The following PPP1R7 variants were observed in gnomAD, a reference collection of about 807,000 sequenced individuals.
PPP1R7 encodes the protein protein phosphatase 1 regulatory subunit 22.
Under a neutral mutation model 45.2 loss-of-function variants are expected in PPP1R7, and 18 were observed. That is an observed-to-expected ratio of 0.40 (90% CI 0.28 to 0.59). The LOEUF is 0.59. Among genes scored for constraint, PPP1R7 ranks in the 20% least tolerant of loss-of-function variants. The pLI, the probability that PPP1R7 is intolerant of heterozygous loss-of-function variation, is 0.46. For synonymous variants in PPP1R7, 181 were observed against 183.4 expected (o/e 0.99, Z 0.11); for missense variants, 314 against 455.8 (o/e 0.69, Z 2.83).
At chr2:241,153,415 T>C in intron 1 of PPP1R7, 61 bp from the exon 2 acceptor site, 1 of 1,601,124 alleles carries the variant, frequency 6.2e-7, no homozygotes, top group South Asian at 1.1e-5. Flanking sequence ...GGGTGTTTAT[T>C]ATATGTTCCT....
intron 9 of PPP1R7, among the ~76,000 whole-genome samples, chr2:241,174,381 A>G (rs1358057248): frequency 2.6e-5 from 4 of 152,158 alleles, no homozygotes. Flanking sequence ...CTTCATCTTC[A>G]GTCCAGGATT....
chr2:241,153,465 T>C lies in PPP1R7; in HGVS notation c.53-11T>C, dbSNP rs2067368819. Reference sequence around the variant, plus strand: ...GTGGATGTGAATTCTCATTGACATGTGTGGGTTCAGTTGACAGGCGGGTCG... The same window carrying C: ...GTGGATGTGAATTCTCATTGACATGCGTGGGTTCAGTTGACAGGCGGGTCG... On this transcript the variant is annotated splice_polypyrimidine_tract_variant and intron_variant, in intron 1 of 9. Coordinates refer to ENST00000234038, the MANE Select transcript of PPP1R7 (RefSeq NM_002712.3). 6.2e-7 allele frequency: 1 copy of C among 1,613,990 alleles called. No homozygotes were observed. The highest frequency in any genetic ancestry group is 1.3e-5 in the African/African-American group (1 of 74,924).
intron 8 of PPP1R7, among the ~76,000 whole-genome samples, chr2:241,169,343 A>G (rs1165906373): frequency 2.0e-5 from 3 of 152,212 alleles, no homozygotes; most frequent in Non-Finnish European, 4.4e-5. Flanking sequence ...AAATGAAGAG[A>G]GGAACTTTGT....
chr2:241,179,720 G>GTAAC (rs1442685990), intron 9 of PPP1R7, among the ~76,000 whole-genome samples: 1 of 152,206 alleles, frequency 6.6e-6, no homozygotes, highest in Admixed American at 6.5e-5. Flanking sequence ...CATGATGAGT[G>GTAAC]TAACATCTTT....
chr2:241,160,702 C>A (rs1452078687), intron 6 of PPP1R7, among the ~76,000 whole-genome samples: 2 of 152,240 alleles, frequency 1.3e-5, no homozygotes, highest in African/African-American at 4.8e-5. Context: ...TCTAGCCTTT[C>A]TTCCGCACGT....
Position 241,166,992 on chromosome 2 carries a change from C to G in PPP1R7, c.819+551C>G. ...CATTCCTCCCTGCCTGCTTTCCACA[C>G]CTGTCCTCACCTGTTCATGCTCCTC... On this transcript the variant is annotated intron_variant, in intron 8 of 9. Transcript: ENST00000234038. The G allele has an allele frequency of 3.2e-6, 5 of 1,538,530 alleles. No homozygotes were observed. In the South Asian group the frequency reaches 4.5e-5, roughly 14 times the overall value.
chr2:241,155,188 G>A (rs1199517312), intron 2 of PPP1R7: 1 of 152,246 alleles, frequency 6.6e-6, no homozygotes, highest in Non-Finnish European at 1.5e-5. Context: ...GAGGACTTGA[G>A]AGTTGGCAGA....
At position 241,159,203 on chromosome 2, in the gene PPP1R7, C is replaced by T; in HGVS notation, c.304-10C>T. The T allele has an allele frequency of 6.2e-7, 1 of 1,612,564 alleles. No individual in the cohort carries two copies. Among genetic ancestry groups the T allele is most frequent in the Non-Finnish European group, 8.5e-7 (1 of 1,179,032 alleles). On this transcript the variant is annotated splice_polypyrimidine_tract_variant and intron_variant, in intron 4 of 9. Coordinates refer to ENST00000234038, the MANE Select transcript of PPP1R7 (RefSeq NM_002712.3). ...TGCCTGTGTCAATTGTCCCTTTTCC[C>T]ATCCCCCAGACTCTCTGCCTCCGCC... is the stretch of plus-strand genomic sequence containing the variant.
At chr2:241,151,400 G>T in intron 1 of PPP1R7, 2 of 468,506 alleles carry the variant, frequency 4.3e-6, no homozygotes, top group South Asian at 3.1e-5. Context: ...GGTGCAGCAG[G>T]AAGGCCTGAC....
At chr2:241,150,454 G>C (rs1228180358), upstream of PPP1R7, 4 of 1,554,058 alleles carry the variant, frequency 2.6e-6, no homozygotes, top group Admixed American at 1.9e-5. Context: ...TTGGCTGAGG[G>C]GTCTGAGGCG....
chr2:241,150,669 CT>C (rs2067249130), intron 1 of PPP1R7, 122 bp downstream of exon 1: 2 of 1,292,134 alleles, frequency 1.5e-6, no homozygotes, highest in Non-Finnish European at 2.0e-6. Context: ...GCGCGGCCCC[CT>C]GACAGCTGAC....
rs564365612 is a variant in PPP1R7, at chr2:241,164,751, A to T, written c.714+1350A>T. 2.6e-5 allele frequency among the ~76,000 whole-genome samples: 4 copies of T among 152,060 alleles called. No homozygotes were observed. In the South Asian group the frequency reaches 6.2e-4, roughly 24 times the overall value. On this transcript the variant is annotated intron_variant, in intron 7 of 9. Coordinates refer to ENST00000234038, the MANE Select transcript of PPP1R7 (RefSeq NM_002712.3). ...CCATCTCTAAAAAAATTAAAAATAT[A>T]AAAAAAAGCTCTTAGGCCAGGCGTG...
upstream of PPP1R7, chr2:241,150,016 T>C (rs942526561): frequency 3.0e-5 from 42 of 1,394,608 alleles, no homozygotes; most frequent in Non-Finnish European, 3.7e-5. Context: ...GTTCGGCCCA[T>C]TGTACAGACG....
At chr2:241,162,193 A>G (rs529739619) in intron 6 of PPP1R7, among the ~76,000 whole-genome samples, 1 of 152,202 alleles carries the variant, frequency 6.6e-6, no homozygotes, top group African/African-American at 2.4e-5. Context: ...ACAGTGGCTC[A>G]TCACAAATTA....
At chr2:241,150,204 C>A, upstream of PPP1R7, 1 of 1,273,748 alleles carries the variant, frequency 7.9e-7, no homozygotes, top group Non-Finnish European at 9.9e-7. Context: ...ACTCCGTCTG[C>A]CTGCAGCTAC....
intron 1 of PPP1R7, among the ~76,000 whole-genome samples, chr2:241,152,267 G>T (rs139880651): frequency 6.6e-6 from 1 of 152,238 alleles, no homozygotes; most frequent in Non-Finnish European, 1.5e-5. Flanking sequence ...AAATGGAAAC[G>T]ATTTGCCAAA....
intron 9 of PPP1R7, among the ~76,000 whole-genome samples, chr2:241,173,591 C>A (rs12616719): frequency 2.0e-5 from 3 of 151,988 alleles, no homozygotes; most frequent in Non-Finnish European, 4.4e-5. Flanking sequence ...GTCTGTGAAT[C>A]TATGGTCTTC....
At chr2:241,176,740 C>T (rs922636321) in intron 9 of PPP1R7, among the ~76,000 whole-genome samples, 2 of 152,110 alleles carry the variant, frequency 1.3e-5, no homozygotes, top group African/African-American at 4.8e-5. Context: ...GGATTACAGG[C>T]GTGAGCCACT....
At chr2:241,167,118 A>G (rs780043005) in intron 8 of PPP1R7, 1 of 1,582,044 alleles carries the variant, frequency 6.3e-7, no homozygotes, top group Non-Finnish European at 8.7e-7. Flanking sequence ...CCTCCAGCTC[A>G]CCCTGCTCTG....
Sources: allele counts gnomAD v4.1 joint callset (sites outside exome capture counted in the v4.1 genomes callset), GRCh38; gene constraint gnomAD v4.1.1; transcripts MANE v1.5; gene names NCBI Gene and HGNC (gene_info 2026-07-23, HGNC 2026-07-21).